The following PLCB1 variants were observed in gnomAD, a reference collection of about 807,000 sequenced individuals.
PLCB1 encodes the protein phospholipase C beta 1, also known as 1-phosphatidylinositol 4,5-bisphosphate phosphodiesterase beta-1.
A neutral mutation model predicts 161.8 loss-of-function variants in PLCB1; 46 were observed. The observed-to-expected ratio is 0.28, with a 90% CI of 0.22 to 0.36. PLCB1 has a LOEUF of 0.36. Ranked by LOEUF, PLCB1 falls within the 10% of genes least tolerant of loss-of-function variation. The pLI, the probability that PLCB1 is intolerant of heterozygous loss-of-function variation, is 1.00. For synonymous variants in PLCB1, 517 were observed against 503.7 expected, an observed-to-expected ratio of 1.03 and a Z score of -0.35; for missense variants, 1,016 against 1,472.5, an observed-to-expected ratio of 0.69 and a Z score of 5.07.
chr20:8,242,508 C>T (rs2179138), intron 2 of PLCB1, among the ~76,000 whole-genome samples: 99,789 of 151,750 alleles, frequency 0.66, 33,510 homozygotes, highest in South Asian at 0.79. Context: ...AACCAGGCAC[C>T]TGATCCTCTA....
At chr20:8,281,737 C>T (rs1304062186) in intron 2 of PLCB1, among the ~76,000 whole-genome samples, 1 of 152,062 alleles carries the variant, frequency 6.6e-6, no homozygotes, top group African/African-American at 2.4e-5. Flanking sequence ...TATCATTCAA[C>T]ACATAAGTGC....
At chr20:8,418,971 T>C (rs1422817534) in intron 3 of PLCB1, among the ~76,000 whole-genome samples, 1 of 152,208 alleles carries the variant, frequency 6.6e-6, no homozygotes, top group Non-Finnish European at 1.5e-5. Flanking sequence ...AAACTCAGTC[T>C]ATATAAAATA....
intron 31 of PLCB1, among the ~76,000 whole-genome samples, chr20:8,824,709 G>A (rs1985604393): frequency 1.3e-5 from 2 of 152,224 alleles, no homozygotes; most frequent in South Asian, 4.1e-4. Context: ...AATTATAAGT[G>A]TTATTTATTA....
intron 2 of PLCB1, among the ~76,000 whole-genome samples, chr20:8,216,141 CA>C (rs1979110506): frequency 6.6e-6 from 1 of 152,048 alleles, no homozygotes; most frequent in Non-Finnish European, 1.5e-5. Flanking sequence ...AAGGCTCTCA[CA>C]GTTGAAGAAC....
chr20:8,316,524 G>A (rs1222932550), intron 2 of PLCB1, among the ~76,000 whole-genome samples: 2 of 152,086 alleles, frequency 1.3e-5, no homozygotes, highest in Non-Finnish European at 2.9e-5. Context: ...GTCTCAACCC[G>A]GAGTTCCCAT....
chr20:8,769,943 A>ATC (rs1184343624), intron 26 of PLCB1, among the ~76,000 whole-genome samples: 1 of 151,622 alleles, frequency 6.6e-6, no homozygotes, highest in Non-Finnish European at 1.5e-5. Flanking sequence ...TAATAAAATC[A>ATC]TCTCTTTTTT....
At chr20:8,491,739 A>G (rs941478845) in intron 3 of PLCB1, among the ~76,000 whole-genome samples, 2 of 152,240 alleles carry the variant, frequency 1.3e-5, no homozygotes, top group Admixed American at 6.5e-5. Flanking sequence ...GATTCTCAGC[A>G]ATATCTCCTC....
intron 2 of PLCB1, among the ~76,000 whole-genome samples, chr20:8,151,325 T>C (rs2051506040): frequency 6.6e-6 from 1 of 152,236 alleles, no homozygotes; most frequent in Non-Finnish European, 1.5e-5. Flanking sequence ...CCAAAGTTCC[T>C]GGAGTTGCCT....
chr20:8,865,333 G>C (rs1231601484), intron 31 of PLCB1, among the ~76,000 whole-genome samples: 1 of 152,034 alleles, frequency 6.6e-6, no homozygotes. Flanking sequence ...TAACCAAAAA[G>C]GCCCCCAGAA....
chr20:8,560,229 C>A (rs1175509807), intron 3 of PLCB1, among the ~76,000 whole-genome samples: 1 of 151,970 alleles, frequency 6.6e-6, no homozygotes, highest in Non-Finnish European at 1.5e-5. Context: ...GTGGACCGAA[C>A]TTTGAGAACT....
intron 2 of PLCB1, among the ~76,000 whole-genome samples, chr20:8,274,584 C>T (rs2123269943): frequency 6.6e-6 from 1 of 151,720 alleles, no homozygotes; most frequent in South Asian, 2.1e-4. Context: ...GATCAATGTT[C>T]TCCTGCCTCA....
chr20:8,539,664 C>CTTTCTTTCTTTT (rs1297206005), intron 3 of PLCB1, among the ~76,000 whole-genome samples: 14 of 93,746 alleles, frequency 1.5e-4, no homozygotes, highest in African/African-American at 5.2e-4. Flanking sequence ...TTCTTTCTTT[C>CTTTCTTTCTTTT]TTTCTTTCTT....
chr20:8,868,416 T>A (rs187762961), intron 31 of PLCB1, among the ~76,000 whole-genome samples: 6 of 152,338 alleles, frequency 3.9e-5, no homozygotes, highest in Admixed American at 3.3e-4. Flanking sequence ...TCAGCATCAC[T>A]TTTCAGTAAA....
At chr20:8,456,130 T>A (rs932335961) in intron 3 of PLCB1, among the ~76,000 whole-genome samples, 1 of 152,230 alleles carries the variant, frequency 6.6e-6, no homozygotes, top group Non-Finnish European at 1.5e-5. Context: ...TAGCATGCTA[T>A]CACAGTGATT....
At chr20:8,492,999 A>T (rs939759818) in intron 3 of PLCB1, among the ~76,000 whole-genome samples, 1 of 152,116 alleles carries the variant, frequency 6.6e-6, no homozygotes, top group Non-Finnish European at 1.5e-5. Flanking sequence ...AAATTCCCTT[A>T]TATCACCTTC....
intron 3 of PLCB1, among the ~76,000 whole-genome samples, chr20:8,562,537 T>C (rs1417708971): frequency 6.6e-6 from 1 of 152,106 alleles, no homozygotes; most frequent in African/African-American, 2.4e-5. Flanking sequence ...GGCAATCCCA[T>C]TTGCTCTGGC....
chr20:8,276,916 GTCT>G (rs1398713327), intron 2 of PLCB1, among the ~76,000 whole-genome samples: 2 of 143,500 alleles, frequency 1.4e-5, no homozygotes, highest in African/African-American at 5.2e-5. Flanking sequence ...TAGCTTCTTC[GTCT>G]TCTTCTTTTC....
intron 3 of PLCB1, among the ~76,000 whole-genome samples, chr20:8,491,183 G>A (rs1982931241): frequency 6.6e-6 from 1 of 150,896 alleles, no homozygotes; most frequent in African/African-American, 2.4e-5. Context: ...TTTTAGTTTA[G>A]GTTTTATGCT....
intron 31 of PLCB1, among the ~76,000 whole-genome samples, chr20:8,861,326 TATG>T (rs1407033918): frequency 6.6e-6 from 1 of 152,240 alleles, no homozygotes; most frequent in Admixed American, 6.5e-5. Flanking sequence ...ATACACTTAT[TATG>T]TTTGTTTGGG....
Sources: allele counts gnomAD v4.1 joint callset (sites outside exome capture counted in the v4.1 genomes callset), GRCh38; gene constraint gnomAD v4.1.1; transcripts MANE v1.5; gene names NCBI Gene and HGNC (gene_info 2026-07-23, HGNC 2026-07-21).